TMPRSS9: variants seen among roughly 807,000 people sequenced by gnomAD.
TMPRSS9 encodes the protein transmembrane serine protease 9, also known as transmembrane protease serine 9.
In TMPRSS9, 113 loss-of-function variants were observed where a neutral mutation model predicts 111.4. That is an observed-to-expected ratio of 1.01 (90% CI 0.87 to 1.19). TMPRSS9 has a LOEUF of 1.19. Among genes scored for constraint, TMPRSS9 ranks in the 50% most tolerant of loss-of-function variants. The probability of loss-of-function intolerance (pLI) is 0.00; values close to 1 mark genes in which losing one functional copy is unlikely to be tolerated. For missense variants in TMPRSS9, 1,803 were observed against 1,513.1 expected (o/e 1.19, Z -3.18); for synonymous variants, 805 against 659.1 (o/e 1.22, Z -3.39).
In TMPRSS9 at chr19:2,418,337, TTCCCTCCCTTTCCC is replaced by T. The variant is rs1327226925; in HGVS notation, c.2154+209_2154+222del. On this transcript the variant is annotated intron_variant, in intron 13 of 17. Transcript: ENST00000648592. Reference sequence around the variant, plus strand: ...TCCCTCCCTCCCTCCCTCCCTTTCCTTCCCTCCCTTTCCCTCCCTCCCTCCCTTCCCTTCCCTCC... The same window carrying T: ...TCCCTCCCTCCCTCCCTCCCTTTCCTTCCCTCCCTCCCTTCCCTTCCCTCC... Among the ~76,000 whole-genome samples the T allele has an allele frequency of 6.9e-3, 208 of 30,090 alleles. 2 individuals carry two copies. Among genetic ancestry groups the T allele is most frequent in the African/African-American group, 8.5e-3 (24 of 2,814 alleles). 19.7% of individuals were successfully genotyped at this position (30,090 alleles called of 152,430 possible). A position where few individuals can be genotyped will look rare whatever the true frequency, so the allele number is the denominator to read the frequency against.
At chr19:2,394,622 C>G (rs1970669480) in intron 1 of TMPRSS9, among the ~76,000 whole-genome samples, 2 of 151,804 alleles carry the variant, frequency 1.3e-5, no homozygotes, top group African/African-American at 2.4e-5. Flanking sequence ...AACGAGAAAA[C>G]ATACCGTTTT....
intron 9 of TMPRSS9, 70 bp downstream of exon 10, chr19:2,410,464 A>G: frequency 1.3e-6 from 2 of 1,568,072 alleles, no homozygotes; most frequent in Admixed American, 1.8e-5. Context: ...ATGCTGAGCA[A>G]TTCACAGATA....
chr19:2,423,524 G>A (rs1261340997), intron 14 of TMPRSS9, among the ~76,000 whole-genome samples: 2 of 151,224 alleles, frequency 1.3e-5, no homozygotes, highest in Non-Finnish European at 1.5e-5. Context: ...GCGGCGGGGG[G>A]GCTTGCCCCT....
intron 1 of TMPRSS9, among the ~76,000 whole-genome samples, chr19:2,369,749 C>A (rs976046897): frequency 1.3e-5 from 2 of 151,814 alleles, no homozygotes; most frequent in Non-Finnish European, 2.9e-5. Context: ...TAGTTTTCTG[C>A]AAATTACCAC....
intron 1 of TMPRSS9, among the ~76,000 whole-genome samples, chr19:2,395,071 A>G (rs1278738292): frequency 6.6e-6 from 1 of 152,114 alleles, no homozygotes; most frequent in Non-Finnish European, 1.5e-5. Flanking sequence ...ACCTGAGGTC[A>G]GGAGTTCCCG....
chr19:2,425,380 A>G (rs777212492), exon 17 of TMPRSS9: 8 of 1,539,180 alleles, frequency 5.2e-6, no homozygotes, highest in Non-Finnish European at 1.7e-6. Flanking sequence ...GCAGCTGCAG[A>G]AGGCGGCCGT....
chr19:2,389,113 C>T (rs2396234), upstream of TMPRSS9, among the ~76,000 whole-genome samples: 59,492 of 145,230 alleles, frequency 0.41, 13,485 homozygotes, highest in African/African-American at 0.59. Context: ...CTTGCTCTGT[C>T]GCCAGGCTGG....
At chr19:2,385,179 C>CGGGGCTCGCGGGGGT (rs1568172963), upstream of TMPRSS9, among the ~76,000 whole-genome samples, 4 of 9,938 alleles carry the variant, frequency 4.0e-4, no homozygotes, top group African/African-American at 2.2e-3. Context: ...TCGCGGGGGG[C>CGGGGCTCGCGGGGGT]GGGGCTCGCG....
intron 7 of TMPRSS9, among the ~76,000 whole-genome samples, chr19:2,406,328 A>T (rs2145342394): frequency 8.1e-6 from 1 of 124,078 alleles, no homozygotes; most frequent in East Asian, 2.5e-4. Context: ...TCTTTATTTT[A>T]TTTTATTTTT....
intron 8 of TMPRSS9, among the ~76,000 whole-genome samples, 189 bp downstream of exon 9, chr19:2,408,819 T>TAC (rs146305631): frequency 7.1e-4 from 106 of 148,686 alleles, no homozygotes; most frequent in African/African-American, 1.5e-3. Flanking sequence ...TACTAAAAAA[T>TAC]ACACACACAC....
rs1174317901 is a variant in TMPRSS9 at position 2,379,773 on chromosome 19, TTCTC to T, written c.-25-9984_-25-9981del. Among the ~76,000 whole-genome samples, 4 of 151,000 alleles carry T rather than the reference TTCTC, an allele frequency of 2.6e-5. No homozygotes were observed. In the East Asian group the frequency reaches 5.8e-4, roughly 22 times the overall value. On this transcript the variant is annotated intron_variant, in intron 1 of 17. Coordinates refer to the TMPRSS9 transcript ENST00000649857. Reference sequence around the variant, plus strand: ...CTCATTCTCTCTTTTCTCTCTTTCTTTCTCTCTTTCTTTCTTTTCTCTTGCCCAT... The same window carrying T: ...CTCATTCTCTCTTTTCTCTCTTTCTTTCTTTCTTTCTTTTCTCTTGCCCAT...
intron 5 of TMPRSS9, 77 bp from the exon 7 acceptor site, chr19:2,403,005 C>T (rs1478930440): frequency 1.0e-6 from 1 of 988,774 alleles, no homozygotes. Context: ...CCTGGTGGTA[C>T]TAAGTATAGC....
At chr19:2,390,400 C>T (rs1203395852) in intron 1 of TMPRSS9, among the ~76,000 whole-genome samples, 1 of 150,166 alleles carries the variant, frequency 6.7e-6, no homozygotes, top group Non-Finnish European at 1.5e-5. Flanking sequence ...CCCGCCACCA[C>T]CCCCGGCTAA....
chr19:2,378,282 G>C (rs1970355127), intron 1 of TMPRSS9, among the ~76,000 whole-genome samples: 1 of 152,156 alleles, frequency 6.6e-6, no homozygotes, highest in Non-Finnish European at 1.5e-5. Flanking sequence ...GGTGACAACT[G>C]TCCTGGTTTG....
intron 9 of TMPRSS9, among the ~76,000 whole-genome samples, chr19:2,412,975 C>T (rs1216088857): frequency 2.6e-5 from 4 of 152,070 alleles, no homozygotes; most frequent in South Asian, 4.1e-4. Context: ...GGGCAGATCA[C>T]TTAAGGTCAG....
chr19:2,385,016 G>C (rs966303930), upstream of TMPRSS9, among the ~76,000 whole-genome samples: 1 of 150,496 alleles, frequency 6.6e-6, no homozygotes, highest in Non-Finnish European at 1.5e-5. Context: ...GCCCAGGCGC[G>C]GTGGCCTACA....
chr19:2,370,050 A>G (rs1480346315), intron 1 of TMPRSS9, among the ~76,000 whole-genome samples: 3 of 152,078 alleles, frequency 2.0e-5, no homozygotes, highest in South Asian at 2.1e-4. Flanking sequence ...TCTACTGAAA[A>G]TACAAAAATT....
At chr19:2,416,100 A>T (rs1971225012) in intron 11 of TMPRSS9, 1 of 442,864 alleles carries the variant, frequency 2.3e-6, no homozygotes, top group East Asian at 3.7e-5. Context: ...ATTCCCAGGC[A>T]TGGTGGCCCG....
chr19:2,372,291 CTT>C (rs10571330), intron 1 of TMPRSS9, among the ~76,000 whole-genome samples: 5,126 of 151,994 alleles, frequency 0.034, 311 homozygotes, highest in African/African-American at 0.12. Flanking sequence ...CAGCTACACA[CTT>C]TTCTTTTTGG....
Sources: allele counts gnomAD v4.1 joint callset (sites outside exome capture counted in the v4.1 genomes callset), GRCh38; gene constraint gnomAD v4.1.1; transcripts MANE v1.5; gene names NCBI Gene and HGNC (gene_info 2026-07-23, HGNC 2026-07-21).